Variants in ARMH4 observed in about 807,000 individuals in gnomAD.
ARMH4 encodes armadillo like helical domain containing 4.
In ARMH4, 49 loss-of-function variants were observed where a neutral mutation model predicts 61.9. The observed-to-expected ratio is 0.79, with a 90% CI of 0.63 to 1.00. ARMH4 has a LOEUF of 1.00. ARMH4 is among the 50% of genes least tolerant of loss of function. The pLI, the probability that ARMH4 is intolerant of heterozygous loss-of-function variation, is 0.00. For missense variants in ARMH4, 934 were observed against 930.0 expected, an observed-to-expected ratio of 1.00 and a Z score of -0.06; for synonymous variants, 368 against 341.5, an observed-to-expected ratio of 1.08 and a Z score of -0.85.
At chr14:58,022,849 A>T (rs1882889627) in intron 5 of ARMH4, among the ~76,000 whole-genome samples, 1 of 152,230 alleles carries the variant, frequency 6.6e-6, no homozygotes, top group Admixed American at 6.5e-5. Context: ...CCAGACCACC[A>T]TCATAAAGCA....
rs1457016830 is a variant in ARMH4, at chr14:58,059,852, A to G, written c.2089+36872T>C. Among the ~76,000 whole-genome samples, 5 of 152,194 alleles carry G rather than the reference A, an allele frequency of 3.3e-5. No homozygotes were observed. The East Asian group carries it at 9.6e-4, about 29-fold the overall frequency. On this transcript the variant is annotated intron_variant, in intron 5 of 7. Transcript: ENST00000267485. ...CATACAAAGCCCTAGACACTGCGTT[A>G]TATGTGAGCTCCCTGTTTTTTTTGA...
At chr14:58,103,889 A>G (rs752303611) in intron 4 of ARMH4, among the ~76,000 whole-genome samples, 60 of 152,334 alleles carry the variant, frequency 3.9e-4, no homozygotes, top group Middle Eastern at 3.4e-3. Flanking sequence ...TCTGACCACT[A>G]GCATCCACCA....
intron 5 of ARMH4, among the ~76,000 whole-genome samples, chr14:58,034,095 T>C (rs1883372680): frequency 7.7e-6 from 1 of 129,920 alleles, no homozygotes; most frequent in Non-Finnish European, 1.7e-5. Context: ...CCAAGACACA[T>C]AATTGTCAGA....
intron 6 of ARMH4, among the ~76,000 whole-genome samples, 157 bp downstream of exon 6, chr14:58,011,962 G>T (rs1266179805): frequency 6.6e-6 from 1 of 152,106 alleles, no homozygotes; most frequent in African/African-American, 2.4e-5. Context: ...TAAAGGGAAG[G>T]GCTTCTTTTT....
intron 5 of ARMH4, among the ~76,000 whole-genome samples, chr14:58,023,649 C>A (rs191809219): frequency 6.6e-6 from 1 of 152,146 alleles, no homozygotes; most frequent in Non-Finnish European, 1.5e-5. Context: ...AAAGATGAAT[C>A]CTTTCCAGAA....
intron 5 of ARMH4, among the ~76,000 whole-genome samples, chr14:58,078,999 C>T (rs1174635009): frequency 6.6e-6 from 1 of 152,316 alleles, no homozygotes; most frequent in South Asian, 2.1e-4. Context: ...CTCTTTTCTG[C>T]CACACATCAT....
intron 5 of ARMH4, among the ~76,000 whole-genome samples, chr14:58,070,501 T>A (rs1386092854): frequency 1.3e-5 from 2 of 152,170 alleles, no homozygotes; most frequent in Non-Finnish European, 2.9e-5. Flanking sequence ...TCCCAGAATA[T>A]TACAATGTTT....
intron 5 of ARMH4, among the ~76,000 whole-genome samples, chr14:58,041,361 G>A (rs1281582909): frequency 1.3e-5 from 2 of 152,126 alleles, no homozygotes; most frequent in Admixed American, 6.5e-5. Flanking sequence ...CTAAGTGAAG[G>A]AGAAATAAAA....
chr14:58,046,303 T>G (rs1308393121), intron 5 of ARMH4, among the ~76,000 whole-genome samples: 1 of 152,190 alleles, frequency 6.6e-6, no homozygotes, highest in East Asian at 1.9e-4. Flanking sequence ...GATGTTCTAA[T>G]GACCTGAGTC....
chr14:58,015,754 T>TA (rs34004432), intron 5 of ARMH4, among the ~76,000 whole-genome samples: 40,419 of 136,092 alleles, frequency 0.3, 5,980 homozygotes, highest in East Asian at 0.56. Flanking sequence ...TATTTTTAGT[T>TA]AAAAAAAAAA....
At chr14:58,055,990 T>C (rs1884334030) in intron 5 of ARMH4, among the ~76,000 whole-genome samples, 1 of 152,266 alleles carries the variant, frequency 6.6e-6, no homozygotes, top group African/African-American at 2.4e-5. Flanking sequence ...CCTGAAAGGC[T>C]AAAGGATTTA....
At chr14:58,127,726 C>A (rs1886950663) in intron 4 of ARMH4, among the ~76,000 whole-genome samples, 1 of 152,098 alleles carries the variant, frequency 6.6e-6, no homozygotes, top group African/African-American at 2.4e-5. Context: ...AGAGTCCAAG[C>A]AAATTCAGTG....
chr14:58,096,178 T>C (rs17094349), intron 5 of ARMH4, among the ~76,000 whole-genome samples: 5 of 152,182 alleles, frequency 3.3e-5, no homozygotes, highest in Admixed American at 2.0e-4. Flanking sequence ...GACAAGGTAA[T>C]GCAGCCACAA....
chr14:58,141,114 G>A (rs1288188492), intron 1 of ARMH4, among the ~76,000 whole-genome samples: 1 of 152,128 alleles, frequency 6.6e-6, no homozygotes, highest in Non-Finnish European at 1.5e-5. Context: ...TGTTATAGCA[G>A]CCCAAATGGA....
Position 58,144,683 on chromosome 14 carries a change from C to T in ARMH4, c.-56-5269G>A, listed in dbSNP as rs148729515. On this transcript the variant is annotated intron_variant, in intron 1 of 7. Transcript: ENST00000267485. ...GAGATTGAGACCATCCTGGCTAACA[C>T]GGTGAAACCCCGTCTCCACTAAAAA... Among the ~76,000 whole-genome samples, 1,239 of 152,164 alleles carry T rather than the reference C, an allele frequency of 8.1e-3. 12 individuals carry two copies. Among genetic ancestry groups the T allele is most frequent in the African/African-American group, 0.028 (1,144 of 41,524 alleles).
At chr14:58,067,406 A>G (rs902277129) in intron 5 of ARMH4, among the ~76,000 whole-genome samples, 1 of 152,200 alleles carries the variant, frequency 6.6e-6, no homozygotes. Flanking sequence ...AACAGGACTT[A>G]GTGGCTGGTT....
At chr14:58,126,478 C>T (rs200474402) in intron 4 of ARMH4, among the ~76,000 whole-genome samples, 5 of 152,164 alleles carry the variant, frequency 3.3e-5, no homozygotes, top group African/African-American at 1.2e-4. Flanking sequence ...TCTCTGAGGA[C>T]AAAAACAACC....
At chr14:58,080,193 A>T (rs1419641203) in intron 5 of ARMH4, among the ~76,000 whole-genome samples, 1 of 151,658 alleles carries the variant, frequency 6.6e-6, no homozygotes, top group African/African-American at 2.4e-5. Context: ...GCAATGGCGC[A>T]ATCTCAGCTC....
At chr14:58,041,814 G>A (rs1370864854) in intron 5 of ARMH4, among the ~76,000 whole-genome samples, 1 of 152,082 alleles carries the variant, frequency 6.6e-6, no homozygotes, top group African/African-American at 2.4e-5. Flanking sequence ...GGATAAAACA[G>A]ACTTTAAACC....
Sources: gnomAD v4.1 joint callset for allele counts (sites outside exome capture counted in the v4.1 genomes callset) on GRCh38, gnomAD v4.1.1 for gene constraint, MANE v1.5 for transcripts, NCBI Gene and HGNC (gene_info 2026-07-23, HGNC 2026-07-21) for gene names.